Variants in TEX11 observed in about 807,000 individuals in gnomAD.
The protein encoded by TEX11 is testis-expressed protein 11.
Under a neutral mutation model 84.4 loss-of-function variants are expected in TEX11, and 7 were observed. The observed-to-expected ratio is 0.08, with a 90% CI of 0.05 to 0.16. The LOEUF (loss-of-function observed/expected upper bound fraction) is 0.16. TEX11 is among the 10% of genes least tolerant of loss of function. TEX11 has a pLI of 1.00. For synonymous variants in TEX11, 264 were observed against 222.8 expected (o/e 1.18, Z -1.64); for missense variants, 551 against 660.5 (o/e 0.83, Z 1.82).
chrX:70,843,397 C>T (rs1187760074), intron 7 of TEX11, among the ~76,000 whole-genome samples: 1 of 111,766 alleles, frequency 8.9e-6, no homozygotes, highest in Non-Finnish European at 1.9e-5. Context: ...GGAAAACTGG[C>T]TAGCCATATG....
intron 25 of TEX11, among the ~76,000 whole-genome samples, chrX:70,584,509 A>G (rs2088826276): frequency 8.9e-6 from 1 of 111,820 alleles, no homozygotes; most frequent in Admixed American, 9.5e-5. Flanking sequence ...AACTCTTCCA[A>G]ATAATGGAAG....
At chrX:70,521,029 A>G in the TEX11 span, among the ~76,000 whole-genome samples, 17 of 111,707 alleles carry the variant, frequency 1.5e-4, no homozygotes, top group African/African-American at 5.5e-4. Flanking sequence ...CCGATTTTCC[A>G]GTACAGTCTG....
intron 15 of TEX11, chrX:70,673,287 A>T (rs1322864397): frequency 1.8e-5 from 2 of 110,431 alleles, no homozygotes; most frequent in Non-Finnish European, 3.8e-5. Flanking sequence ...ACCAGGCTAA[A>T]TTTTTTATTT....
intron 9 of TEX11, among the ~76,000 whole-genome samples, chrX:70,806,429 C>G (rs1265742983): frequency 3.8e-5 from 4 of 104,070 alleles, no homozygotes; most frequent in African/African-American, 1.4e-4. Flanking sequence ...GCACTCCAGC[C>G]TAGGTGACAG....
At chrX:70,514,781 C>T in the TEX11 span, among the ~76,000 whole-genome samples, 1 of 108,158 alleles carries the variant, frequency 9.2e-6, no homozygotes, top group East Asian at 3.0e-4. Context: ...AAAAGCAGGA[C>T]ATTTGGCCAG....
rs144787783 is a variant in TEX11 at position 70,731,544 on chromosome X, G to C, written c.844-6201C>G. 8.0e-3 allele frequency among the ~76,000 whole-genome samples: 895 copies of C among 111,710 alleles called. 5 individuals carry two copies. The highest frequency in any genetic ancestry group is 0.013 in the Non-Finnish European group (716 of 53,121). On this transcript the variant is annotated intron_variant, in intron 11 of 29. Coordinates refer to ENST00000374333, the MANE Select transcript of TEX11 (RefSeq NM_031276.3). ...TAAACACCTCCACGCAAATAAACTA[G>C]AAAATCTAGAAGAAATGGATAAATT...
intron 9 of TEX11, among the ~76,000 whole-genome samples, chrX:70,775,148 A>G (rs1424321896): frequency 8.9e-6 from 1 of 111,943 alleles, no homozygotes; most frequent in Non-Finnish European, 1.9e-5. Flanking sequence ...TGCAGGAGAA[A>G]AAAATTGAAC....
chrX:70,597,414 A>AT (rs1368678621), intron 24 of TEX11, among the ~76,000 whole-genome samples: 1 of 112,175 alleles, frequency 8.9e-6, no homozygotes, highest in Non-Finnish European at 1.9e-5. Context: ...GCAATGTGGT[A>AT]TTGCCCTGAG....
At chrX:70,788,729 CAG>C (rs1556079352) in intron 9 of TEX11, among the ~76,000 whole-genome samples, 4 of 101,489 alleles carry the variant, frequency 3.9e-5, no homozygotes, top group African/African-American at 1.4e-4. Context: ...CACACACACA[CAG>C]GGGAAAAACT....
intron 17 of TEX11, among the ~76,000 whole-genome samples, chrX:70,639,275 C>T (rs923468970): frequency 3.0e-4 from 34 of 111,912 alleles, no homozygotes; most frequent in African/African-American, 9.4e-4. Context: ...TCCTACCCCA[C>T]GGAGTCTCGC....
intron 4 of TEX11, among the ~76,000 whole-genome samples, chrX:70,868,420 T>C (rs2091610801): frequency 9.0e-6 from 1 of 111,691 alleles, no homozygotes; most frequent in African/African-American, 3.3e-5. Flanking sequence ...GCTTTTACAC[T>C]GTTGGTGGGA....
At chrX:70,552,344 C>G in intron 27 of TEX11, 98 bp from the exon 28 acceptor site, 2 of 980,031 alleles carry the variant, frequency 2.0e-6, no homozygotes, top group Non-Finnish European at 2.7e-6. Flanking sequence ...AGACTAACAG[C>G]TTCAAAACAC....
At chrX:70,735,520 A>T (rs998220558) in intron 11 of TEX11, among the ~76,000 whole-genome samples, 3 of 112,342 alleles carry the variant, frequency 2.7e-5, no homozygotes, top group Admixed American at 1.9e-4. Context: ...AAATAATTCC[A>T]TTTATAAAAG....
chrX:70,858,384 G>C (rs1363059057), intron 5 of TEX11, among the ~76,000 whole-genome samples: 1 of 106,747 alleles, frequency 9.4e-6, no homozygotes, highest in East Asian at 3.0e-4. Flanking sequence ...AGAGGTTGCA[G>C]TGAGCCAAGA....
chrX:70,904,881 G>A (rs764306647), intron 2 of TEX11, among the ~76,000 whole-genome samples: 65 of 112,426 alleles, frequency 5.8e-4, no homozygotes, highest in African/African-American at 1.8e-3. Flanking sequence ...AAAAAAATTA[G>A]ATCATTAAAA....
intron 3 of TEX11, among the ~76,000 whole-genome samples, chrX:70,879,470 C>T (rs2091671978): frequency 1.8e-5 from 2 of 110,680 alleles, no homozygotes; most frequent in African/African-American, 6.6e-5. Context: ...AAAAGTGTTT[C>T]AAGCCTCAAG....
chrX:70,607,175 T>C, intron 22 of TEX11, 146 bp from the exon 23 acceptor site: 1 of 422,179 alleles, frequency 2.4e-6, no homozygotes, highest in Non-Finnish European at 3.8e-6. Context: ...TAACTTTAGG[T>C]TTTAAAGAAA....
At chrX:70,844,966 C>T (rs960925393) in intron 7 of TEX11, among the ~76,000 whole-genome samples, 16 of 110,943 alleles carry the variant, frequency 1.4e-4, no homozygotes, top group African/African-American at 4.6e-4. Flanking sequence ...TAGAAGCTAC[C>T]AAGCTCATGG....
the TEX11 span, among the ~76,000 whole-genome samples, chrX:70,521,109 C>T: frequency 5.4e-5 from 6 of 111,059 alleles, no homozygotes; most frequent in Non-Finnish European, 7.5e-5. Context: ...GGTGATGTCC[C>T]GCCCTGCTTC....
Sources: allele counts gnomAD v4.1 joint callset (sites outside exome capture counted in the v4.1 genomes callset), GRCh38; gene constraint gnomAD v4.1.1; transcripts MANE v1.5; gene names NCBI Gene and HGNC (gene_info 2026-07-23, HGNC 2026-07-21).